Variants in UMODL1 observed in about 807,000 individuals in gnomAD.
UMODL1 encodes the protein uromodulin-like 1.
Under a neutral mutation model 136.3 loss-of-function variants are expected in UMODL1, and 128 were observed. That is an observed-to-expected ratio of 0.94 (90% CI 0.81 to 1.09). The LOEUF (loss-of-function observed/expected upper bound fraction) is 1.09, where lower values mean the gene tolerates loss of function less well. UMODL1 is among the 50% of genes least tolerant of loss of function. The pLI is 0.00. For missense variants in UMODL1, 1,766 were observed against 1,725.6 expected (o/e 1.02, Z -0.41); for synonymous variants, 721 against 720.0 (o/e 1.00, Z -0.02).
intron 14 of UMODL1, among the ~76,000 whole-genome samples, chr21:42,118,845 C>T (rs1313977768): frequency 6.6e-6 from 1 of 151,420 alleles, no homozygotes; most frequent in Admixed American, 6.6e-5. Flanking sequence ...AAGTCCCACC[C>T]TCGCCCCACA....
chr21:42,099,012 C>A lies in UMODL1; in HGVS notation c.1018C>A (p.His340Asn), dbSNP rs778678679. The change falls in exon 7 of 23, where the codon CAC (histidine) becomes AAC (asparagine). Residue 340 changes from histidine to asparagine, a missense_variant. Coordinates refer to ENST00000408910, the MANE Select transcript of UMODL1 (RefSeq NM_001004416.3). The surrounding 1 kb of genome is among the most constrained non-coding windows in gnomAD (Gnocchi z 4.1). The part of the protein sequence containing the change: ...VSWRLNSTQN[H>N]TFHVRVYRGM... Reference sequence around the variant, plus strand: ...CTGGCGTTTAAATTCTACACAGAACCACACTTTCCATGTCCGGGTTTACCG... The same window carrying A: ...CTGGCGTTTAAATTCTACACAGAACAACACTTTCCATGTCCGGGTTTACCG... 15 of 1,614,076 alleles carry A rather than the reference C, an allele frequency of 9.3e-6. No homozygotes were observed. The African/African-American group carries it at 1.9e-4, about 20-fold the overall frequency.
Position 42,113,566 on chromosome 21 carries a change from T to C in UMODL1, c.2105-7T>C. 6.2e-7 allele frequency: 1 copy of C among 1,600,472 alleles called. No homozygotes were observed. Among genetic ancestry groups the C allele is most frequent in the South Asian group, 1.1e-5 (1 of 89,958 alleles). On this transcript the variant is annotated splice_polypyrimidine_tract_variant and splice_region_variant and intron_variant, in intron 12 of 22. Transcript: ENST00000408910. ...TGTAATTTTGGTGTTTATATTCCACTTCCCAGTTCCTGTCTCCATTGGGAG... is the reference window on the plus strand; with the variant it reads ...TGTAATTTTGGTGTTTATATTCCACCTCCCAGTTCCTGTCTCCATTGGGAG...
intron 9 of UMODL1, among the ~76,000 whole-genome samples, chr21:42,105,744 G>GC (rs926280725): frequency 2.6e-5 from 4 of 152,196 alleles, no homozygotes; most frequent in Admixed American, 2.0e-4. Flanking sequence ...CTTTCCTAGA[G>GC]CCCCAGAGGG....
intron 6 of UMODL1, 118 bp downstream of exon 6, chr21:42,090,556 A>G: frequency 7.7e-7 from 1 of 1,294,902 alleles, no homozygotes; most frequent in Non-Finnish European, 1.0e-6. Flanking sequence ...CTGCCATGAA[A>G]TATCTTGCTT....
At chr21:42,075,944 A>G (rs1190298793) in intron 1 of UMODL1, 61 bp from the exon 2 acceptor site, 7 of 1,593,030 alleles carry the variant, frequency 4.4e-6, no homozygotes, top group Non-Finnish European at 5.1e-6. Context: ...CCTTGCGGAT[A>G]ACCGCTCGCA....
intron 2 of UMODL1, among the ~76,000 whole-genome samples, chr21:42,079,967 C>T (rs1179602476): frequency 6.6e-6 from 1 of 152,178 alleles, no homozygotes; most frequent in Admixed American, 6.5e-5. Context: ...CTGCCTGTGC[C>T]GGGGCCTGGT....
intron 1 of UMODL1, 142 bp downstream of exon 1, chr21:42,071,534 A>C (rs2066231965): frequency 1.1e-6 from 1 of 894,884 alleles, no homozygotes; most frequent in Non-Finnish European, 1.5e-6. Context: ...TTTTGTGGAC[A>C]AGCTTTTTGG....
chr21:42,083,937 T>C, intron 2 of UMODL1, 147 bp from the exon 3 acceptor site: 1 of 962,968 alleles, frequency 1.0e-6, no homozygotes, highest in Admixed American at 2.3e-5. Flanking sequence ...GGGGTGGGTG[T>C]CTGCCCAGGC....
intron 2 of UMODL1, among the ~76,000 whole-genome samples, chr21:42,081,471 C>T (rs539851721): frequency 3.6e-4 from 55 of 152,246 alleles, no homozygotes; most frequent in South Asian, 3.5e-3. Flanking sequence ...ACTTGTTCAG[C>T]GTTCTCAGGG....
rs890820574 is a variant in UMODL1 at position 42,080,106 on chromosome 21, C to A, written c.319+3859C>A. Among the ~76,000 whole-genome samples, 5 of 152,310 alleles carry A rather than the reference C, an allele frequency of 3.3e-5. No homozygotes were observed. The South Asian group carries it at 1.0e-3, about 32-fold the overall frequency. ...GGCGCCTGTGGTGGGCGGATTTACA[C>A]CCCGGATTTTGGCAGCGCGAACTTC... On this transcript the variant is annotated intron_variant, in intron 2 of 22. Coordinates refer to ENST00000408910, the MANE Select transcript of UMODL1 (RefSeq NM_001004416.3).
intron 11 of UMODL1, 32 bp from the exon 12 acceptor site, chr21:42,111,474 C>T (rs767940479): frequency 6.2e-7 from 1 of 1,613,744 alleles, no homozygotes; most frequent in African/African-American, 1.3e-5. Flanking sequence ...CCTCCTGGGG[C>T]CACAGATGGC....
intron 15 of UMODL1, 27 bp from the exon 16 acceptor site, chr21:42,121,058 TTC>T (rs772028678): frequency 7.5e-6 from 12 of 1,598,978 alleles, no homozygotes; most frequent in Non-Finnish European, 1.0e-5. Flanking sequence ...AGGGATGTTC[TTC>T]TGTTTTGTCT....
chr21:42,116,172 C>CAAAAAAA (rs56162491), intron 14 of UMODL1, among the ~76,000 whole-genome samples, 187 bp downstream of exon 14: 6 of 75,022 alleles, frequency 8.0e-5, no homozygotes, highest in Admixed American at 3.8e-4. Context: ...CCATCTCCAC[C>CAAAAAAA]AAAAAAAAAA....
intron 4 of UMODL1, 42 bp from the exon 5 acceptor site, chr21:42,088,252 G>A: frequency 6.3e-7 from 1 of 1,590,620 alleles, no homozygotes; most frequent in South Asian, 1.1e-5. Context: ...TGTCTGACGG[G>A]GTGTCCTTCT....
chr21:42,085,911 G>T lies in UMODL1; in HGVS notation c.603+499G>T, dbSNP rs951270697. 6.6e-6 allele frequency among the ~76,000 whole-genome samples: 1 copy of T among 152,324 alleles called. No homozygotes were observed. Among genetic ancestry groups the T allele is most frequent in the Admixed American group, 6.5e-5 (1 of 15,304 alleles). ...CCTGGCCTCTCCACACAAGTCAGAA[G>T]CACACCCCAGGGTGGCATCCAAAAC... is the stretch of plus-strand genomic sequence containing the variant. On this transcript the variant is annotated intron_variant, in intron 4 of 22. Transcript: ENST00000408910. This position sits in a 1 kb window ranked among gnomAD's most constrained non-coding sequence, Gnocchi z 4.5.
Position 42,089,462 on chromosome 21 carries a change from AC to A in UMODL1, c.791-835del, listed in dbSNP as rs565781171. 1.8e-4 allele frequency among the ~76,000 whole-genome samples: 28 copies of A among 152,338 alleles called. No homozygotes were observed. In the South Asian group the frequency reaches 5.2e-3, roughly 28 times the overall value. ...ACCTTTGGCCAGAGGTTGCAGGAGCACACCTGTGGGTGGACCAGTTGAGTTT... is the reference window on the plus strand; with the variant it reads ...ACCTTTGGCCAGAGGTTGCAGGAGCAACCTGTGGGTGGACCAGTTGAGTTT... On this transcript the variant is annotated intron_variant, in intron 5 of 22. Coordinates refer to ENST00000408910, the MANE Select transcript of UMODL1 (RefSeq NM_001004416.3).
chr21:42,123,924 G>T lies in UMODL1; in HGVS notation c.3147+774G>T, dbSNP rs1431560393. ...GGGCTGTGGGGCTCCCGGGACAGAG[G>T]GAGCCCAGGTGGGGAAAGTGGGTTT... On this transcript the variant is annotated intron_variant, in intron 17 of 22. Coordinates refer to ENST00000408910, the MANE Select transcript of UMODL1 (RefSeq NM_001004416.3). This position sits in a 1 kb window ranked among gnomAD's most constrained non-coding sequence, Gnocchi z 4.4. Among the ~76,000 whole-genome samples the T allele has an allele frequency of 6.6e-6, 1 of 152,192 alleles. No homozygotes were observed. The highest frequency in any genetic ancestry group is 1.5e-5 in the Non-Finnish European group (1 of 68,026).
chr21:42,110,838 G>A lies in UMODL1; in HGVS notation c.1658-42G>A, dbSNP rs775363945. 4.5e-6 allele frequency: 7 copies of A among 1,539,390 alleles called. No homozygotes were observed. In the East Asian group the frequency reaches 1.6e-4, roughly 35 times the overall value. On this transcript the variant is annotated intron_variant, in intron 10 of 22. Coordinates refer to ENST00000408910, the MANE Select transcript of UMODL1 (RefSeq NM_001004416.3). ...CCTCCTGGGAGGGCTCTTACTCGTG[G>A]GTGGGATCCAGCAGGCTCTGACAGT... is the stretch of plus-strand genomic sequence containing the variant.
intron 12 of UMODL1, among the ~76,000 whole-genome samples, chr21:42,113,302 G>A (rs2066860475): frequency 6.6e-6 from 1 of 151,712 alleles, no homozygotes; most frequent in African/African-American, 2.4e-5. Context: ...GGAGTCCAGG[G>A]GCCTCAGGGA....
Sources: allele counts gnomAD v4.1 joint callset (sites outside exome capture counted in the v4.1 genomes callset), GRCh38; gene constraint gnomAD v4.1.1; non-coding constraint Gnocchi (gnomAD v3.1); transcripts MANE v1.5; gene names NCBI Gene and HGNC (gene_info 2026-07-23, HGNC 2026-07-21).